ITFG1: variants seen among roughly 807,000 people sequenced by gnomAD.
ITFG1 encodes integrin alpha FG-GAP repeat containing 1.
In ITFG1, 34 loss-of-function variants were observed where a neutral mutation model predicts 81.8. The observed-to-expected ratio is 0.42, with a 90% CI of 0.32 to 0.55. The LOEUF (loss-of-function observed/expected upper bound fraction) is 0.55. ITFG1 is among the 20% of genes least tolerant of loss of function. ITFG1 has a pLI of 0.17. For synonymous variants in ITFG1, 285 were observed against 270.6 expected (o/e 1.05, Z -0.52); for missense variants, 672 against 755.4 (o/e 0.89, Z 1.29).
chr16:47,413,254 A>C (rs764227363), intron 6 of ITFG1, among the ~76,000 whole-genome samples: 5 of 152,238 alleles, frequency 3.3e-5, no homozygotes, highest in Non-Finnish European at 7.3e-5. Flanking sequence ...TATTCTGCCA[A>C]ACAAAACTTC....
At chr16:47,233,495 C>T (rs1965839618) in intron 13 of ITFG1, among the ~76,000 whole-genome samples, 1 of 152,226 alleles carries the variant, frequency 6.6e-6, no homozygotes. Flanking sequence ...CAGATTCTCA[C>T]TGTGAAGACT....
rs530681041 is a variant in ITFG1 at position 47,263,244 on chromosome 16, G to A, written c.1071-2549C>T. The stretch of plus-strand genomic sequence containing the variant: ...GACACTGAAGGGAATCAGATCTCAG[G>A]GGCCACCTTCTCTGTAGGTTCTTGC... On this transcript the variant is annotated intron_variant, in intron 10 of 17. Coordinates refer to ENST00000320640, the MANE Select transcript of ITFG1 (RefSeq NM_030790.5). 45 of 356,424 alleles carry A rather than the reference G, an allele frequency of 1.3e-4. No individual in the cohort carries two copies. In the Admixed American group the frequency reaches 1.3e-3, roughly 10 times the overall value. 22.1% of individuals were successfully genotyped at this position (356,424 alleles called of 1,614,324 possible). A position where few individuals can be genotyped will look rare whatever the true frequency, so the allele number is the denominator to read the frequency against.
intron 13 of ITFG1, among the ~76,000 whole-genome samples, chr16:47,223,566 T>C (rs867508245): frequency 9.2e-5 from 14 of 152,014 alleles, no homozygotes; most frequent in Non-Finnish European, 1.6e-4. Context: ...CAGGAAACAA[T>C]AGGTGCTGGA....
intron 8 of ITFG1, among the ~76,000 whole-genome samples, chr16:47,355,756 A>T (rs1249867962): frequency 1.3e-5 from 2 of 152,194 alleles, no homozygotes; most frequent in Non-Finnish European, 2.9e-5. Flanking sequence ...TTTTATATCA[A>T]AATCACTATT....
intron 5 of ITFG1, among the ~76,000 whole-genome samples, chr16:47,437,470 G>GA (rs1172465301): frequency 0.019 from 1,324 of 70,864 alleles, 16 homozygotes; most frequent in African/African-American, 0.05. Context: ...TCCATCTCCT[G>GA]AAAAAAAAAA....
In ITFG1 at chr16:47,216,209, T is replaced by C. The variant is rs1356498783; in HGVS notation, c.1453+2659A>G. 3.9e-5 allele frequency among the ~76,000 whole-genome samples: 6 copies of C among 152,310 alleles called. No individual in the cohort carries two copies. The East Asian group carries it at 1.2e-3, about 29-fold the overall frequency. ...TGACTGAATCAAGAATCCCATTTTTTTTTTTTCTGAGACGGAGTTTTGTTC... is the reference window on the plus strand; with the variant it reads ...TGACTGAATCAAGAATCCCATTTTTCTTTTTTCTGAGACGGAGTTTTGTTC... On this transcript the variant is annotated intron_variant, in intron 14 of 17. Transcript: ENST00000320640.
intron 10 of ITFG1, among the ~76,000 whole-genome samples, chr16:47,268,453 C>T (rs1966302823): frequency 6.6e-6 from 1 of 152,174 alleles, no homozygotes; most frequent in South Asian, 2.1e-4. Context: ...AATACACGTA[C>T]TACACAAACT....
intron 5 of ITFG1, among the ~76,000 whole-genome samples, chr16:47,433,482 T>C (rs1969118727): frequency 6.6e-6 from 1 of 152,190 alleles, no homozygotes; most frequent in Non-Finnish European, 1.5e-5. Context: ...GTTTCCTTCC[T>C]GGCGCCTAAC....
At chr16:47,171,254 T>C (rs9927255) in intron 14 of ITFG1, among the ~76,000 whole-genome samples, 151,698 of 152,180 alleles carry the variant, frequency 1, 75,612 homozygotes, top group East Asian at 1. Context: ...GCATTCTTCA[T>C]GCTTTGGCCT....
At chr16:47,449,114 T>C (rs1348901877) in intron 5 of ITFG1, 1 of 152,226 alleles carries the variant, frequency 6.6e-6, no homozygotes, top group African/African-American at 2.4e-5. Flanking sequence ...CTAAGCCAGG[T>C]TATAGCAAGG....
chr16:47,358,266 G>A (rs1010018578), intron 8 of ITFG1, among the ~76,000 whole-genome samples: 2 of 152,240 alleles, frequency 1.3e-5, no homozygotes, highest in African/African-American at 4.8e-5. Flanking sequence ...CAAAGGTCCC[G>A]CAGGTTAGAG....
At chr16:47,350,747 C>T (rs1967940063) in intron 8 of ITFG1, among the ~76,000 whole-genome samples, 1 of 152,134 alleles carries the variant, frequency 6.6e-6, no homozygotes, top group Non-Finnish European at 1.5e-5. Context: ...CAAAGCCGGG[C>T]AGAGCCACAA....
chr16:47,359,015 T>A (rs1258163842), intron 8 of ITFG1, among the ~76,000 whole-genome samples: 1 of 152,044 alleles, frequency 6.6e-6, no homozygotes, highest in East Asian at 1.9e-4. Context: ...GAGAGGGTGA[T>A]GTGGCAAAAC....
rs1491145615 is a variant in ITFG1 at position 47,433,792 on chromosome 16, T to TATATACAC, written c.561-4895_561-4894insGTGTATAT. ...CTGAATATATATATATATATATATATACACACACACACATACACACACGTA... is the reference window on the plus strand; with the variant it reads ...CTGAATATATATATATATATATATATATATACACACACACACACACATACACACACGTA... On this transcript the variant is annotated intron_variant, in intron 5 of 17. Transcript: ENST00000320640. Among the ~76,000 whole-genome samples, 126 of 135,634 alleles carry TATATACAC rather than the reference T, an allele frequency of 9.3e-4. 3 individuals are homozygous for TATATACAC. Among genetic ancestry groups the TATATACAC allele is most frequent in the African/African-American group, 3.1e-3 (110 of 35,304 alleles). 89.0% of individuals were successfully genotyped at this position (135,634 alleles called of 152,430 possible). A position where few individuals can be genotyped will look rare whatever the true frequency, so the allele number is the denominator to read the frequency against.
chr16:47,417,620 A>T (rs1432064301), intron 6 of ITFG1, among the ~76,000 whole-genome samples: 1 of 152,196 alleles, frequency 6.6e-6, no homozygotes, highest in Non-Finnish European at 1.5e-5. Flanking sequence ...CCATATATGA[A>T]TGAGAACTTG....
intron 2 of ITFG1, among the ~76,000 whole-genome samples, chr16:47,456,804 G>C (rs1254499189): frequency 2.0e-5 from 3 of 152,032 alleles, no homozygotes; most frequent in Non-Finnish European, 4.4e-5. Context: ...AAGTAAATGA[G>C]GAAATTTCTT....
chr16:47,286,603 G>A (rs1010347615), intron 10 of ITFG1, among the ~76,000 whole-genome samples: 2 of 151,122 alleles, frequency 1.3e-5, no homozygotes, highest in Non-Finnish European at 2.9e-5. Flanking sequence ...TCATACCATT[G>A]CACTCCAGCC....
intron 10 of ITFG1, among the ~76,000 whole-genome samples, chr16:47,263,918 T>C (rs1011353225): frequency 1.3e-5 from 2 of 152,172 alleles, no homozygotes; most frequent in Non-Finnish European, 2.9e-5. Context: ...GCTCTACAAG[T>C]AGAACCCAGC....
intron 14 of ITFG1, among the ~76,000 whole-genome samples, chr16:47,184,957 A>T (rs537003347): frequency 6.6e-6 from 1 of 151,710 alleles, no homozygotes; most frequent in South Asian, 2.1e-4. Flanking sequence ...ATGGAAAACA[A>T]AAAAAGGCAG....
Sources: gnomAD v4.1 joint callset for allele counts (sites outside exome capture counted in the v4.1 genomes callset) on GRCh38, gnomAD v4.1.1 for gene constraint, MANE v1.5 for transcripts, NCBI Gene and HGNC (gene_info 2026-07-23, HGNC 2026-07-21) for gene names.